PABPC4L: variants seen among roughly 807,000 people sequenced by gnomAD.
The protein encoded by PABPC4L is polyadenylate-binding protein 4-like.
For missense variants in PABPC4L, 452 were observed against 451.4 expected (o/e 1.00, Z -0.01); for synonymous variants, 169 against 164.1 (o/e 1.03, Z -0.23).
At chr4:134,048,017 C>CT in the PABPC4L span, among the ~76,000 whole-genome samples, 7 of 152,070 alleles carry the variant, frequency 4.6e-5, no homozygotes, top group African/African-American at 7.2e-5. Context: ...TTAAAACATG[C>CT]TTTTTTCCCA....
chr4:133,972,402 G>A, the PABPC4L span, among the ~76,000 whole-genome samples: 3 of 151,980 alleles, frequency 2.0e-5, no homozygotes, highest in Admixed American at 2.0e-4. Context: ...ACTGTTATGT[G>A]TCACACATAC....
At chr4:133,988,141 G>A in the PABPC4L span, among the ~76,000 whole-genome samples, 1 of 152,114 alleles carries the variant, frequency 6.6e-6, no homozygotes, top group Non-Finnish European at 1.5e-5. Context: ...CACAATTCAA[G>A]ATGATATTCG....
downstream of PABPC4L, among the ~76,000 whole-genome samples, chr4:134,194,619 T>A (rs1282241339): frequency 6.6e-6 from 1 of 151,768 alleles, no homozygotes; most frequent in East Asian, 1.9e-4. Context: ...AATATCTTTT[T>A]TCTAGGAGGT....
chr4:134,089,613 G>GA, the PABPC4L span, among the ~76,000 whole-genome samples: 5 of 151,838 alleles, frequency 3.3e-5, no homozygotes, highest in Admixed American at 1.3e-4. Flanking sequence ...GTATGTATAG[G>GA]AAAAAACATA....
At chr4:134,158,344 T>C in the PABPC4L span, among the ~76,000 whole-genome samples, 2 of 152,038 alleles carry the variant, frequency 1.3e-5, no homozygotes, top group Non-Finnish European at 2.9e-5. Flanking sequence ...TAGATAAACA[T>C]ATATTCAATG....
At chr4:134,117,943 G>T in the PABPC4L span, among the ~76,000 whole-genome samples, 1 of 151,608 alleles carries the variant, frequency 6.6e-6, no homozygotes, top group Non-Finnish European at 1.5e-5. Context: ...CAAAATAAAA[G>T]CAGCTTTGCT....
At chr4:133,994,267 G>A in the PABPC4L span, among the ~76,000 whole-genome samples, 1 of 152,060 alleles carries the variant, frequency 6.6e-6, no homozygotes, top group African/African-American at 2.4e-5. Flanking sequence ...TAGGCTCTTT[G>A]TAATTTCTCT....
the PABPC4L span, among the ~76,000 whole-genome samples, chr4:133,950,884 T>A: frequency 6.6e-6 from 1 of 152,176 alleles, no homozygotes; most frequent in Non-Finnish European, 1.5e-5. Context: ...GTAACAATTA[T>A]TTTCCCCTAC....
chr4:134,112,600 ATCTATC>A, the PABPC4L span, among the ~76,000 whole-genome samples: 2 of 151,454 alleles, frequency 1.3e-5, no homozygotes, highest in African/African-American at 2.4e-5. Flanking sequence ...CTATCTATCT[ATCTATC>A]TATCTATCTA....
chr4:134,060,760 T>C, the PABPC4L span, among the ~76,000 whole-genome samples: 1 of 151,982 alleles, frequency 6.6e-6, no homozygotes, highest in South Asian at 2.1e-4. Context: ...TGAGATCCTG[T>C]CATTTGCAAC....
the PABPC4L span, among the ~76,000 whole-genome samples, chr4:134,159,429 T>C: frequency 6.6e-6 from 1 of 152,050 alleles, no homozygotes; most frequent in Admixed American, 6.6e-5. Context: ...AGTCTTACAT[T>C]GCCTACAGGA....
chr4:134,080,442 G>A, the PABPC4L span, among the ~76,000 whole-genome samples: 1 of 152,280 alleles, frequency 6.6e-6, no homozygotes, highest in East Asian at 1.9e-4. Context: ...GAATGTCTGA[G>A]TTGTGATTGA....
the PABPC4L span, among the ~76,000 whole-genome samples, chr4:134,052,504 C>A: frequency 6.6e-6 from 1 of 151,898 alleles, no homozygotes. Context: ...AAAATATGGA[C>A]TATTATGAAT....
the PABPC4L span, among the ~76,000 whole-genome samples, chr4:133,965,102 C>A: frequency 1.3e-5 from 2 of 152,120 alleles, no homozygotes; most frequent in East Asian, 3.9e-4. Flanking sequence ...CTAGAACTGA[C>A]AAAATAATTC....
chr4:134,003,358 TATC>T, the PABPC4L span, among the ~76,000 whole-genome samples: 5 of 151,976 alleles, frequency 3.3e-5, no homozygotes, highest in Admixed American at 3.3e-4. Flanking sequence ...TCTTAGAACT[TATC>T]ATCATCTTTG....
At chr4:134,143,922 C>T in the PABPC4L span, among the ~76,000 whole-genome samples, 1 of 151,338 alleles carries the variant, frequency 6.6e-6, no homozygotes, top group African/African-American at 2.4e-5. Context: ...TACATTTCAC[C>T]TGCATATTTT....
the PABPC4L span, among the ~76,000 whole-genome samples, chr4:134,108,052 A>G: frequency 2.1e-4 from 32 of 151,686 alleles, no homozygotes; most frequent in Non-Finnish European, 3.8e-4. Flanking sequence ...TAGAAATTTG[A>G]AGTCCATTAA....
chr4:133,950,856 T>A, the PABPC4L span, among the ~76,000 whole-genome samples: 1 of 152,172 alleles, frequency 6.6e-6, no homozygotes, highest in Non-Finnish European at 1.5e-5. Context: ...ACTGAAAACT[T>A]GTGTGACCCA....
At chr4:133,955,606 G>A in the PABPC4L span, among the ~76,000 whole-genome samples, 1 of 152,084 alleles carries the variant, frequency 6.6e-6, no homozygotes, top group African/African-American at 2.4e-5. Context: ...CCAGTTTCAT[G>A]TAACATGACA....
Sources: gnomAD v4.1 joint callset for allele counts (sites outside exome capture counted in the v4.1 genomes callset) on GRCh38, gnomAD v4.1.1 for gene constraint, MANE v1.5 for transcripts, NCBI Gene and HGNC (gene_info 2026-07-23, HGNC 2026-07-21) for gene names.